The following MYO5C variants were observed in gnomAD, a reference collection of about 807,000 sequenced individuals.
The protein encoded by MYO5C is unconventional myosin-Vc.
MYO5C carries 194 observed loss-of-function variants against 235.7 expected under a neutral mutation model. That is an observed-to-expected ratio of 0.82 (90% CI 0.73 to 0.93). The LOEUF is 0.93. MYO5C is among the 40% of genes least tolerant of loss of function. The pLI is 0.00. For missense variants in MYO5C, 2,038 were observed against 2,127.2 expected (o/e 0.96, Z 0.82); for synonymous variants, 707 against 754.8 (o/e 0.94, Z 1.04).
chr15:52,276,010 C>T lies in MYO5C; in HGVS notation c.450-292G>A, dbSNP rs1198192356. Among the ~76,000 whole-genome samples, 4 of 152,314 alleles carry T rather than the reference C, an allele frequency of 2.6e-5. No individual in the cohort carries two copies. In the South Asian group the frequency reaches 6.2e-4, roughly 24 times the overall value. On this transcript the variant is annotated intron_variant, in intron 4 of 40. Transcript: ENST00000261839. ...ACTGCTCCTTCCCATCCTTCCCACT[C>T]TCTGGGCAGGATTTTTGCTTTTAAA...
At chr15:52,241,646 C>A (rs994051453) in intron 20 of MYO5C, among the ~76,000 whole-genome samples, 1 of 152,142 alleles carries the variant, frequency 6.6e-6, no homozygotes, top group African/African-American at 2.4e-5. Flanking sequence ...CTGTTAGGTG[C>A]ACATTATTGG....
At chr15:52,279,875 C>T (rs892334093) in intron 2 of MYO5C, among the ~76,000 whole-genome samples, 1 of 152,062 alleles carries the variant, frequency 6.6e-6, no homozygotes, top group East Asian at 1.9e-4. Flanking sequence ...AGGGCACTGG[C>T]TATGTGCACT....
At chr15:52,210,666 A>G (rs956855566) in intron 35 of MYO5C, among the ~76,000 whole-genome samples, 1 of 152,222 alleles carries the variant, frequency 6.6e-6, no homozygotes, top group African/African-American at 2.4e-5. Context: ...GCCAAGCATT[A>G]CCAGAGAACT....
chr15:52,213,252 C>T lies in MYO5C; in HGVS notation c.4077G>A (p.Glu1359=), dbSNP rs2035488135. The change falls in exon 34 of 41, where the codon GAG becomes GAA. Residue 1359 remains glutamate (E), a synonymous_variant. Coordinates refer to ENST00000261839, the MANE Select transcript of MYO5C (RefSeq NM_018728.4). The stretch of plus-strand genomic sequence containing the variant: ...TCTTGTATTGCAGCATTCCAAGGTA[C>T]TCCTTGGGTCCTGAGGACGAGTGCA... ...NDVHSSSGPK[E]YLGMLQYKRE... is the part of the protein sequence containing the mutation. 10 of 1,613,852 alleles carry T rather than the reference C, an allele frequency of 6.2e-6. No homozygotes were observed. The highest frequency in any genetic ancestry group is 8.5e-6 in the Non-Finnish European group (10 of 1,179,742).
chr15:52,266,451 T>C (rs1435383885), intron 8 of MYO5C, among the ~76,000 whole-genome samples: 1 of 152,206 alleles, frequency 6.6e-6, no homozygotes, highest in Non-Finnish European at 1.5e-5. Flanking sequence ...ATGCCTCCCC[T>C]CGCGCTTCTC....
At chr15:52,276,046 G>A (rs2037043004) in intron 4 of MYO5C, among the ~76,000 whole-genome samples, 1 of 152,018 alleles carries the variant, frequency 6.6e-6, no homozygotes, top group African/African-American at 2.4e-5. Flanking sequence ...CTCTGTTCTT[G>A]AATTTCACCT....
At chr15:52,235,260 C>T (rs2036051838) in intron 23 of MYO5C, among the ~76,000 whole-genome samples, 1 of 152,184 alleles carries the variant, frequency 6.6e-6, no homozygotes, top group Non-Finnish European at 1.5e-5. Context: ...TGCAGCATTA[C>T]TCTGACTGTA....
intron 1 of MYO5C, among the ~76,000 whole-genome samples, chr15:52,287,268 A>C (rs2140870614): frequency 6.6e-6 from 1 of 152,306 alleles, no homozygotes; most frequent in African/African-American, 2.4e-5. Context: ...ACTCTTGTGC[A>C]GATAGGACGA....
At chr15:52,248,165 A>C (rs61367038) in intron 14 of MYO5C, among the ~76,000 whole-genome samples, 3,081 of 152,234 alleles carry the variant, frequency 0.02, 115 homozygotes, top group South Asian at 0.15. Context: ...GTTTTGAGAC[A>C]GGGTCTTGCT....
rs371624373 is a variant in MYO5C, at chr15:52,237,586, C to T, written c.2764G>A (p.Asp922Asn). 6.2e-7 allele frequency: 1 copy of T among 1,614,122 alleles called. No homozygotes were observed. Among genetic ancestry groups the T allele is most frequent in the East Asian group, 2.2e-5 (1 of 44,886 alleles). The part of the protein sequence containing the change: ...LTSLAALRAG[D>N]VEKIQKLEAE... ...TCCAGCTTCTGAATCTTTTCCACAT[C>T]CCCAGCTCGAAGAGCAGCCAGGCTA... Residue 922 changes from aspartate (D) to asparagine (N), a missense_variant, in exon 22 of 41, where the codon GAT becomes AAT. Asp to Asn is a conservative substitution (Grantham distance 23). Coordinates refer to ENST00000261839, the MANE Select transcript of MYO5C (RefSeq NM_018728.4).
chr15:52,193,645 AG>A lies in MYO5C; in HGVS notation c.*256del. 1.2e-5 allele frequency: 5 copies of A among 420,522 alleles called. No homozygotes were observed. In the South Asian group the frequency reaches 1.3e-4, roughly 11 times the overall value. 26.0% of individuals were successfully genotyped at this position (420,522 alleles called of 1,614,324 possible). A position where few individuals can be genotyped will look rare whatever the true frequency, so the allele number is the denominator to read the frequency against. On this transcript the variant is annotated 3_prime_UTR_variant, in exon 41 of 41. Transcript: ENST00000261839. ...ACGTGGAAGAAAATATGAGCCCTCC[AG>A]GAATTTCAGTGAAAACCAGCTGAGA...
intron 38 of MYO5C, among the ~76,000 whole-genome samples, chr15:52,196,744 T>C (rs559506996): frequency 1.3e-5 from 2 of 152,312 alleles, no homozygotes; most frequent in Admixed American, 6.5e-5. Context: ...TGCAATCACT[T>C]ACGAAATACA....
At chr15:52,267,677 C>T (rs9646201) in intron 8 of MYO5C, among the ~76,000 whole-genome samples, 23,546 of 152,190 alleles carry the variant, frequency 0.15, 2,558 homozygotes, top group Non-Finnish European at 0.23. Context: ...CAGAGCGAGA[C>T]TCCATCTCAA....
chr15:52,238,732 C>G (rs1172138147), intron 21 of MYO5C, among the ~76,000 whole-genome samples: 2 of 151,992 alleles, frequency 1.3e-5, no homozygotes, highest in African/African-American at 4.8e-5. Flanking sequence ...AGCTCCGCCT[C>G]CCAGGTTCAT....
intron 3 of MYO5C, 61 bp downstream of exon 3, chr15:52,279,448 C>T: frequency 6.4e-7 from 1 of 1,557,054 alleles, no homozygotes; most frequent in East Asian, 2.3e-5. Flanking sequence ...AACCAGGAGG[C>T]TCTAGACAGC....
In MYO5C at chr15:52,208,550, C is replaced by T. The variant is rs2141271262; in HGVS notation, c.4386+4G>A. On this transcript the variant is annotated splice_donor_region_variant and intron_variant, in intron 36 of 40. Transcript: ENST00000261839. ...AAAACAACAAGCAGGTGGGCGCCCCCTACCTCTTCTCCGCTGTACTGCTTC... is the reference window on the plus strand; with the variant it reads ...AAAACAACAAGCAGGTGGGCGCCCCTTACCTCTTCTCCGCTGTACTGCTTC... 6 of 1,613,744 alleles carry T rather than the reference C, an allele frequency of 3.7e-6. No individual in the cohort carries two copies. Among genetic ancestry groups the T allele is most frequent in the Non-Finnish European group, 5.1e-6 (6 of 1,179,770 alleles).
intron 38 of MYO5C, among the ~76,000 whole-genome samples, chr15:52,200,429 A>G (rs1387393573): frequency 9.2e-5 from 14 of 152,018 alleles, no homozygotes; most frequent in Non-Finnish European, 1.6e-4. Flanking sequence ...TTAGCCAGAT[A>G]TGGTAGTGGG....
intron 36 of MYO5C, among the ~76,000 whole-genome samples, chr15:52,208,283 GCTAAACGTCTTA>G: frequency 6.6e-6 from 1 of 152,318 alleles, no homozygotes; most frequent in African/African-American, 2.4e-5. Context: ...GAGTCATAAT[GCTAAACGTCTTA>G]CAGCCAGAAG....
rs2141266433 is a variant in MYO5C, at chr15:52,205,070, T to C, written c.4615A>G (p.Ser1539Gly). The C allele has an allele frequency of 1.2e-6, 2 of 1,614,166 alleles. No individual in the cohort carries two copies. Among genetic ancestry groups the C allele is most frequent in the East Asian group, 2.2e-5 (1 of 44,862 alleles). The change falls in exon 38 of 41, where the codon AGC becomes GGC. Residue 1539 changes from serine to glycine, a missense_variant. By Grantham distance (56) the Ser-to-Gly change is moderately conservative. Coordinates refer to ENST00000261839, the MANE Select transcript of MYO5C (RefSeq NM_018728.4). The stretch of plus-strand genomic sequence containing the variant: ...GTGTAGCCGTCCGTGTCGTCTATGC[T>C]AGAGGAGCGCTTCCGGAAGCCTGTG... Reference protein sequence around the residue: ...KPTGFRKRSSSIDDTDGYTMT... With the variant: ...KPTGFRKRSSGIDDTDGYTMT...
Sources: allele counts gnomAD v4.1 joint callset (sites outside exome capture counted in the v4.1 genomes callset), GRCh38; gene constraint gnomAD v4.1.1; transcripts MANE v1.5; gene names NCBI Gene and HGNC (gene_info 2026-07-23, HGNC 2026-07-21).